Variants in VPS9D1 observed in about 807,000 individuals in gnomAD.
VPS9D1 encodes VPS9 domain-containing protein 1.
Under a neutral mutation model 75.8 loss-of-function variants are expected in VPS9D1, and 78 were observed. The observed-to-expected ratio is 1.03, with a 90% CI of 0.86 to 1.24. VPS9D1 has a LOEUF of 1.24. Ranked by LOEUF, VPS9D1 falls within the 50% of genes most tolerant of loss-of-function variation. The probability of loss-of-function intolerance (pLI) is 0.00; values close to 1 mark genes in which losing one functional copy is unlikely to be tolerated. For missense variants in VPS9D1, 1,057 were observed against 847.7 expected (o/e 1.25, Z -3.07); for synonymous variants, 481 against 385.6 (o/e 1.25, Z -2.90).
intron 8 of VPS9D1, 45 bp downstream of exon 8, chr16:89,711,837 C>T: frequency 1.3e-6 from 2 of 1,541,170 alleles, no homozygotes; most frequent in Non-Finnish European, 1.8e-6. Context: ...CCCCGCCCCC[C>T]TCGCTGGGCT....
intron 2 of VPS9D1, among the ~76,000 whole-genome samples, chr16:89,718,450 C>G (rs970597276): frequency 2.0e-5 from 3 of 152,208 alleles, no homozygotes; most frequent in Non-Finnish European, 4.4e-5. Flanking sequence ...GCACACCCCA[C>G]AGCTGGAATG....
At position 89,709,235 on chromosome 16, in the gene VPS9D1, T is replaced by G. The variant is rs1296542133; in HGVS notation, c.1589A>C (p.Glu530Ala). 2 of 1,611,800 alleles carry G rather than the reference T, an allele frequency of 1.2e-6. No individual in the cohort carries two copies. Among genetic ancestry groups the G allele is most frequent in the Non-Finnish European group, 1.7e-6 (2 of 1,179,954 alleles). ...VLESCPQKKL[E>A]CIVRTLRIIC... ...CTCTCGAACCTGCTGACCTATGCAC[T>G]CCAGCTTCTTCTGGGGGCAGCTCTC... Residue 530 changes from glutamate to alanine, a missense_variant, in exon 12 of 15, where the codon GAG becomes GCG. Glu to Ala is a moderately radical substitution (Grantham distance 107). Transcript: ENST00000389386.
At position 89,708,847 on chromosome 16, in the gene VPS9D1, T is replaced by G; in HGVS notation, c.1697+10A>C. The G allele has an allele frequency of 6.3e-7, 1 of 1,575,544 alleles. No homozygotes were observed. The highest frequency in any genetic ancestry group is 8.6e-7 in the Non-Finnish European group (1 of 1,168,378). On this transcript the variant is annotated intron_variant, in intron 13 of 14. Coordinates refer to ENST00000389386, the MANE Select transcript of VPS9D1 (RefSeq NM_004913.3). ...CCTCCCTGGCCACACCTCGCCCTCC[T>G]GGGACTCACATGGCAGCTGCAGCGA...
chr16:89,710,021 C>G, intron 10 of VPS9D1, 115 bp from the exon 11 acceptor site: 3 of 1,422,476 alleles, frequency 2.1e-6, no homozygotes, highest in Non-Finnish European at 2.8e-6. Flanking sequence ...GCCTTCAAGC[C>G]TCCTGCACCC....
rs756220053 is a variant in VPS9D1, at chr16:89,712,531, G to A, written c.544-9C>T. 4.3e-6 allele frequency: 7 copies of A among 1,612,054 alleles called. No individual in the cohort carries two copies. In the Admixed American group the frequency reaches 1.0e-4, roughly 23 times the overall value. ...CGCTGTAGAGAGAGGGTCTGGGGGGGGAGGAGGGAGTAAGGCCGACTCCCC... is the reference window on the plus strand; with the variant it reads ...CGCTGTAGAGAGAGGGTCTGGGGGGAGAGGAGGGAGTAAGGCCGACTCCCC... On this transcript the variant is annotated splice_polypyrimidine_tract_variant and intron_variant, in intron 5 of 14. Coordinates refer to ENST00000389386, the MANE Select transcript of VPS9D1 (RefSeq NM_004913.3).
intron 1 of VPS9D1, 73 bp downstream of exon 1, chr16:89,720,690 C>A: frequency 7.6e-7 from 1 of 1,312,416 alleles, no homozygotes; most frequent in East Asian, 3.3e-5. Context: ...CGGCCCCGTC[C>A]TCGCCCTCCC....
chr16:89,708,071 G>A (rs1363950395), intron 14 of VPS9D1, 117 bp from the exon 15 acceptor site: 2 of 1,011,268 alleles, frequency 2.0e-6, no homozygotes, highest in Non-Finnish European at 3.0e-6. Context: ...GGGTGGGCAG[G>A]TGGGGCTGTC....
At chr16:89,709,561 T>A in intron 11 of VPS9D1, 126 bp from the exon 12 acceptor site, 2 of 1,290,940 alleles carry the variant, frequency 1.5e-6, no homozygotes, top group Non-Finnish European at 1.0e-6. Flanking sequence ...AGCCCCAGCG[T>A]TGCCAAGACC....
intron 2 of VPS9D1, among the ~76,000 whole-genome samples, chr16:89,718,715 TTTTC>T (rs1487690398): frequency 6.9e-6 from 1 of 144,328 alleles, no homozygotes; most frequent in African/African-American, 2.4e-5. Flanking sequence ...TTTCTTTTTC[TTTTC>T]TTTTTTTTTT....
intron 1 of VPS9D1, among the ~76,000 whole-genome samples, chr16:89,720,053 A>G (rs1456575191): frequency 6.6e-6 from 1 of 152,200 alleles, no homozygotes; most frequent in African/African-American, 2.4e-5. Context: ...CCTAGCTGTT[A>G]AGTTTCCTAT....
intron 4 of VPS9D1, among the ~76,000 whole-genome samples, chr16:89,713,707 T>A (rs2060995369): frequency 1.3e-5 from 2 of 151,818 alleles, no homozygotes; most frequent in Non-Finnish European, 2.9e-5. Flanking sequence ...ATTCCTAAAC[T>A]TTCTTAAAAC....
At chr16:89,716,373 A>C in intron 4 of VPS9D1, 89 bp downstream of exon 4, 1 of 1,292,488 alleles carries the variant, frequency 7.7e-7, no homozygotes, top group Non-Finnish European at 1.1e-6. Flanking sequence ...CTCAAAAAAC[A>C]AAAAAAAAAT....
chr16:89,709,612 G>A (rs1336535945), intron 11 of VPS9D1, among the ~76,000 whole-genome samples, 165 bp downstream of exon 11: 5 of 152,166 alleles, frequency 3.3e-5, no homozygotes, highest in Admixed American at 3.3e-4. Flanking sequence ...CTGCAAACTG[G>A]AAGCCCCTGA....
chr16:89,715,910 C>A (rs2061053719), intron 4 of VPS9D1, among the ~76,000 whole-genome samples: 2 of 151,840 alleles, frequency 1.3e-5, no homozygotes, highest in African/African-American at 2.4e-5. Context: ...CTCCTGACCT[C>A]AGGTGATCTG....
At chr16:89,715,383 C>T (rs1255811102) in intron 4 of VPS9D1, among the ~76,000 whole-genome samples, 10 of 151,820 alleles carry the variant, frequency 6.6e-5, no homozygotes, top group East Asian at 2.0e-4. Flanking sequence ...CCCGCCACCA[C>T]GCCCAGCTAA....
At position 89,716,603 on chromosome 16, in the gene VPS9D1, G is replaced by C; in HGVS notation, c.290C>G (p.Thr97Ser). ...GGGAATGGGAGCAGCTGCAGGCATG[G>C]TTGGCTTCAGGCGTGTTTTCCCTGC... is the stretch of plus-strand genomic sequence containing the variant. Reference protein sequence around the residue: ...AKLGKTRLKPTMPAAAPIPQP... With the variant: ...AKLGKTRLKPSMPAAAPIPQP... Residue 97 changes from threonine to serine, a missense_variant, in exon 4 of 15, where the codon ACC becomes AGC. Transcript: ENST00000389386. 2 of 1,613,714 alleles carry C rather than the reference G, an allele frequency of 1.2e-6. No homozygotes were observed. Among genetic ancestry groups the C allele is most frequent in the East Asian group, 2.2e-5 (1 of 44,874 alleles).
At chr16:89,717,665 ACC>A in intron 2 of VPS9D1, 1 of 442,818 alleles carries the variant, frequency 2.3e-6, no homozygotes, top group Non-Finnish European at 4.5e-6. Context: ...ACCCGTCCCC[ACC>A]TTGCCAGACA....
At chr16:89,717,249 A>G (rs1383146949) in intron 2 of VPS9D1, 2 of 278,950 alleles carry the variant, frequency 7.2e-6, no homozygotes, top group Non-Finnish European at 1.4e-5. Context: ...TTGCCTCCTG[A>G]GTCTGCTAAG....
intron 1 of VPS9D1, 155 bp from the exon 2 acceptor site, chr16:89,719,257 C>T: frequency 1.4e-6 from 1 of 737,398 alleles, no homozygotes; most frequent in Non-Finnish European, 2.4e-6. Context: ...TGGTTAGCTG[C>T]AGCCGGAACA....
Sources: gnomAD v4.1 joint callset for allele counts (sites outside exome capture counted in the v4.1 genomes callset) on GRCh38, gnomAD v4.1.1 for gene constraint, MANE v1.5 for transcripts, NCBI Gene and HGNC (gene_info 2026-07-23, HGNC 2026-07-21) for gene names.